STK32B: variants seen among roughly 807,000 people sequenced by gnomAD.
STK32B encodes serine/threonine-protein kinase 32B.
In STK32B, 43 loss-of-function variants were observed where a neutral mutation model predicts 52.6. The observed-to-expected ratio is 0.82, with a 90% CI of 0.64 to 1.05. The LOEUF (loss-of-function observed/expected upper bound fraction) is 1.05, where lower values mean the gene tolerates loss of function less well. STK32B is among the 50% of genes least tolerant of loss of function. The pLI, the probability that STK32B is intolerant of heterozygous loss-of-function variation, is 0.00. For synonymous variants in STK32B, 238 were observed against 204.3 expected, an observed-to-expected ratio of 1.17 and a Z score of -1.41; for missense variants, 621 against 534.6, an observed-to-expected ratio of 1.16 and a Z score of -1.59.
intron 7 of STK32B, among the ~76,000 whole-genome samples, chr4:5,452,788 A>T (rs776903284): frequency 4.6e-5 from 7 of 152,108 alleles, no homozygotes; most frequent in Non-Finnish European, 7.3e-5. Context: ...AATTTTTTTT[A>T]GAAACCGAGT....
chr4:5,184,356 T>C (rs1300331776), intron 3 of STK32B, among the ~76,000 whole-genome samples: 1 of 152,078 alleles, frequency 6.6e-6, no homozygotes, highest in Non-Finnish European at 1.5e-5. Context: ...TGCACAACAT[T>C]TATTGATTAC....
chr4:5,154,790 C>T (rs1368055047), intron 2 of STK32B, among the ~76,000 whole-genome samples: 1 of 152,116 alleles, frequency 6.6e-6, no homozygotes, highest in Non-Finnish European at 1.5e-5. Flanking sequence ...GCTTGGTGCC[C>T]AACATGTGGT....
intron 2 of STK32B, among the ~76,000 whole-genome samples, chr4:5,164,884 T>C (rs1245803041): frequency 6.6e-6 from 1 of 152,216 alleles, no homozygotes; most frequent in East Asian, 1.9e-4. Flanking sequence ...CTTTGTTTTT[T>C]GTTTTTTTCT....
chr4:5,262,844 A>C (rs981532381), intron 3 of STK32B, among the ~76,000 whole-genome samples: 1 of 152,178 alleles, frequency 6.6e-6, no homozygotes, highest in Non-Finnish European at 1.5e-5. Flanking sequence ...ATGTTCATTT[A>C]ATACTCATTG....
intron 1 of STK32B, among the ~76,000 whole-genome samples, chr4:5,090,644 T>C (rs531156086): frequency 6.6e-6 from 1 of 152,306 alleles, no homozygotes; most frequent in Admixed American, 6.5e-5. Flanking sequence ...ATTACAGGCA[T>C]GAGCTACTAC....
Position 5,163,034 on chromosome 4 carries a change from C to T in STK32B, c.109-5265C>T, listed in dbSNP as rs192912026. 3.4e-4 allele frequency among the ~76,000 whole-genome samples: 52 copies of T among 152,276 alleles called. No individual in the cohort carries two copies. The East Asian group carries it at 9.6e-3, about 28-fold the overall frequency. On this transcript the variant is annotated intron_variant, in intron 2 of 11. Transcript: ENST00000282908. ...TGAGGACCACTGACCTGCTCTGGGC[C>T]ATGTGGGACATGATAGACCGAGCAT...
At chr4:5,175,175 C>T (rs1001799877) in intron 3 of STK32B, among the ~76,000 whole-genome samples, 2 of 152,134 alleles carry the variant, frequency 1.3e-5, no homozygotes, top group Admixed American at 6.5e-5. Context: ...GACTTCTCTG[C>T]ATTGGTTATT....
chr4:5,201,489 T>C (rs1162951847), intron 3 of STK32B, among the ~76,000 whole-genome samples: 1 of 152,098 alleles, frequency 6.6e-6, no homozygotes, highest in Admixed American at 6.5e-5. Flanking sequence ...TGAGTTGCAC[T>C]CCCCAGCTAA....
At chr4:5,239,920 T>C (rs1724896571) in intron 3 of STK32B, among the ~76,000 whole-genome samples, 1 of 152,144 alleles carries the variant, frequency 6.6e-6, no homozygotes, top group Non-Finnish European at 1.5e-5. Flanking sequence ...CCATTCCCTC[T>C]GTCTGGGACT....
At chr4:5,258,606 A>G (rs1726488922) in intron 3 of STK32B, among the ~76,000 whole-genome samples, 1 of 151,992 alleles carries the variant, frequency 6.6e-6, no homozygotes, top group Admixed American at 6.6e-5. Flanking sequence ...TTCCCACCCT[A>G]CATCTAATCC....
chr4:5,114,490 G>A (rs1377428869), intron 1 of STK32B, among the ~76,000 whole-genome samples: 1 of 151,874 alleles, frequency 6.6e-6, no homozygotes, highest in Admixed American at 6.6e-5. Context: ...ATTTCTCCTG[G>A]TGTCCCCAGA....
chr4:5,064,763 T>C (rs1416285596), intron 1 of STK32B, among the ~76,000 whole-genome samples: 1 of 113,246 alleles, frequency 8.8e-6, no homozygotes, highest in Admixed American at 1.3e-4. Context: ...TATATAAATA[T>C]ATACTTATAT....
At chr4:5,379,577 G>C (rs1735801724) in intron 4 of STK32B, among the ~76,000 whole-genome samples, 1 of 152,134 alleles carries the variant, frequency 6.6e-6, no homozygotes, top group South Asian at 2.1e-4. Context: ...GATTGCATTT[G>C]GAGATAGGTC....
Position 5,361,523 on chromosome 4 carries a change from C to T in STK32B, c.434+30130C>T, listed in dbSNP as rs141088539. Among the ~76,000 whole-genome samples the T allele has an allele frequency of 9.2e-3, 1,404 of 152,298 alleles. 49 individuals carry two copies. Among genetic ancestry groups the T allele is most frequent in the Admixed American group, 0.053 (808 of 15,300 alleles). On this transcript the variant is annotated intron_variant, in intron 4 of 11. Coordinates refer to ENST00000282908, the MANE Select transcript of STK32B (RefSeq NM_018401.3). ...AGTATCTGCGACCATAGGTGTGTGC[C>T]ATCATGCCCAGCTAATTTTTCTATA...
chr4:5,059,052 C>CTTTTTTTTT (rs3072775), intron 1 of STK32B, among the ~76,000 whole-genome samples: 6,211 of 86,556 alleles, frequency 0.072, 1,119 homozygotes, highest in Non-Finnish European at 0.092. Context: ...CGCCCAGCTG[C>CTTTTTTTTT]TTTTTTTTTT....
intron 3 of STK32B, among the ~76,000 whole-genome samples, chr4:5,226,871 A>G (rs1485885471): frequency 2.0e-5 from 3 of 152,218 alleles, no homozygotes; most frequent in African/African-American, 7.2e-5. Flanking sequence ...GTCTTGGAAC[A>G]TATACTCCGT....
At chr4:5,425,461 C>G (rs1176056166) in intron 6 of STK32B, among the ~76,000 whole-genome samples, 2 of 65,882 alleles carry the variant, frequency 3.0e-5, no homozygotes, top group African/African-American at 9.6e-5. Flanking sequence ...GAGAACCATT[C>G]ATTCATTCAT....
intron 7 of STK32B, among the ~76,000 whole-genome samples, chr4:5,455,758 C>T (rs1410874379): frequency 6.6e-6 from 1 of 152,114 alleles, no homozygotes; most frequent in African/African-American, 2.4e-5. Flanking sequence ...ACTGGGGCCC[C>T]GAGAACACAG....
At chr4:5,068,873 G>T (rs985325382) in intron 1 of STK32B, among the ~76,000 whole-genome samples, 1 of 152,084 alleles carries the variant, frequency 6.6e-6, no homozygotes, top group Admixed American at 6.6e-5. Context: ...TTTCATTAAC[G>T]TATTCATTAT....
Sources: allele counts gnomAD v4.1 joint callset (sites outside exome capture counted in the v4.1 genomes callset), GRCh38; gene constraint gnomAD v4.1.1; transcripts MANE v1.5; gene names NCBI Gene and HGNC (gene_info 2026-07-23, HGNC 2026-07-21).